The following CSPP1 variants were observed in gnomAD, a reference collection of about 807,000 sequenced individuals.
CSPP1 encodes centrosome and spindle pole associated protein 1, also known as centrosome and spindle pole-associated protein 1.
A neutral mutation model predicts 164.4 loss-of-function variants in CSPP1; 126 were observed. That is an observed-to-expected ratio of 0.77 (90% CI 0.66 to 0.89). CSPP1 has a LOEUF of 0.89. CSPP1 is among the 40% of genes least tolerant of loss of function. The pLI is 0.00. For synonymous variants in CSPP1, 472 were observed against 476.7 expected (o/e 0.99, Z 0.13); for missense variants, 1,395 against 1,449.8 (o/e 0.96, Z 0.61).
intron 9 of CSPP1, among the ~76,000 whole-genome samples, chr8:67,107,842 A>G (rs1250713186): frequency 2.0e-5 from 3 of 152,160 alleles, no homozygotes; most frequent in Non-Finnish European, 2.9e-5. Flanking sequence ...GTAATTTAGA[A>G]GTATGTTTTA....
intron 25 of CSPP1, 28 bp from the exon 26 acceptor site, chr8:67,175,268 T>C: frequency 6.5e-7 from 1 of 1,541,340 alleles, no homozygotes. Context: ...ACATTTAACT[T>C]AGTTATATAA....
chr8:67,080,934 T>C (rs984702159), intron 3 of CSPP1: 2 of 152,220 alleles, frequency 1.3e-5, no homozygotes, highest in East Asian at 3.8e-4. Flanking sequence ...TAGGAATGAT[T>C]GGTTGAATTG....
At chr8:67,182,243 T>G (rs1352198912) in intron 28 of CSPP1, among the ~76,000 whole-genome samples, 1 of 152,092 alleles carries the variant, frequency 6.6e-6, no homozygotes, top group Non-Finnish European at 1.5e-5. Flanking sequence ...GCTTAAGTGA[T>G]CCTCCTGCGG....
At chr8:67,148,984 G>T (rs971456455) in intron 17 of CSPP1, among the ~76,000 whole-genome samples, 17 of 152,168 alleles carry the variant, frequency 1.1e-4, no homozygotes, top group African/African-American at 4.1e-4. Flanking sequence ...GAGTGGTTTA[G>T]TTGGGTGGTT....
intron 15 of CSPP1, among the ~76,000 whole-genome samples, chr8:67,119,157 T>G (rs1818507443): frequency 6.6e-6 from 1 of 152,230 alleles, no homozygotes; most frequent in Non-Finnish European, 1.5e-5. Flanking sequence ...CTTATTTCAC[T>G]TTGCATAATG....
intron 19 of CSPP1, 78 bp from the exon 20 acceptor site, chr8:67,158,369 T>C (rs775309006): frequency 2.1e-6 from 3 of 1,397,774 alleles, no homozygotes; most frequent in Non-Finnish European, 2.9e-6. Context: ...TGAGTTTATA[T>C]ACTATCAGGA....
chr8:67,159,919 TCTTTC>T (rs1339666701), intron 21 of CSPP1, among the ~76,000 whole-genome samples: 9 of 59,336 alleles, frequency 1.5e-4, no homozygotes, highest in Admixed American at 3.9e-4. Flanking sequence ...TTTCTTTCTT[TCTTTC>T]CTTTCCTTCC....
In CSPP1 at chr8:67,078,132, C is replaced by T. The variant is rs141757113; in HGVS notation, c.199+1551C>T. 2.2e-3 allele frequency among the ~76,000 whole-genome samples: 340 copies of T among 152,136 alleles called. 2 individuals are homozygous for T. The highest frequency in any genetic ancestry group is 3.2e-3 in the Non-Finnish European group (219 of 67,992). On this transcript the variant is annotated intron_variant, in intron 3 of 30. Transcript: ENST00000678616. ...AGTAGGTTATCTCAAGCACTAAGGT[C>T]GCTAAGGTTAGACAGAATCCCTTTT...
At chr8:67,135,806 T>C (rs549044669) in intron 16 of CSPP1, 3 of 152,376 alleles carry the variant, frequency 2.0e-5, no homozygotes, top group Non-Finnish European at 1.5e-5. Flanking sequence ...GCTTTCAGCC[T>C]GTCTATGCAT....
At chr8:67,141,421 T>C (rs1194835425) in intron 17 of CSPP1, among the ~76,000 whole-genome samples, 1 of 152,248 alleles carries the variant, frequency 6.6e-6, no homozygotes, top group Non-Finnish European at 1.5e-5. Context: ...AGGCATACTA[T>C]TTTATCAAAT....
At chr8:67,178,045 A>G (rs1832110150) in intron 27 of CSPP1, among the ~76,000 whole-genome samples, 1 of 152,226 alleles carries the variant, frequency 6.6e-6, no homozygotes, top group African/African-American at 2.4e-5. Context: ...ACATAAATTA[A>G]TATTTGCAAG....
At chr8:67,186,267 CT>C (rs1382234844) in intron 28 of CSPP1, among the ~76,000 whole-genome samples, 1 of 151,942 alleles carries the variant, frequency 6.6e-6, no homozygotes, top group African/African-American at 2.4e-5. Flanking sequence ...TCCAAAATAC[CT>C]GTTTAGTTTT....
At chr8:67,068,923 C>G (rs1291947751) in intron 1 of CSPP1, among the ~76,000 whole-genome samples, 2 of 152,146 alleles carry the variant, frequency 1.3e-5, no homozygotes, top group Non-Finnish European at 2.9e-5. Flanking sequence ...ATGACTACTG[C>G]TTGTTTACCA....
intron 18 of CSPP1, among the ~76,000 whole-genome samples, chr8:67,150,458 G>C (rs773791309): frequency 1.2e-4 from 18 of 151,734 alleles, no homozygotes; most frequent in Admixed American, 4.6e-4. Flanking sequence ...AGGCTGGAGT[G>C]CAGTGGCATA....
chr8:67,087,522 A>G (rs1810659135), intron 4 of CSPP1, among the ~76,000 whole-genome samples: 1 of 152,164 alleles, frequency 6.6e-6, no homozygotes, highest in Non-Finnish European at 1.5e-5. Flanking sequence ...TCATAGTGGG[A>G]ATTTCTATTT....
chr8:67,179,741 C>T (rs1196105354), intron 27 of CSPP1, 122 bp from the exon 28 acceptor site: 3 of 667,672 alleles, frequency 4.5e-6, no homozygotes, highest in Non-Finnish European at 8.0e-6. Context: ...GTCAGTCCTA[C>T]CTCTACCCAT....
intron 17 of CSPP1, among the ~76,000 whole-genome samples, chr8:67,139,217 A>G (rs1299321155): frequency 2.0e-5 from 3 of 152,264 alleles, no homozygotes; most frequent in Admixed American, 1.3e-4. Context: ...GAAGACATTT[A>G]TGCAACCAAC....
At chr8:67,065,599 ATGTC>A in intron 1 of CSPP1, 1 of 678,496 alleles carries the variant, frequency 1.5e-6, no homozygotes, top group Non-Finnish European at 1.8e-6. Flanking sequence ...TGGTGATTAA[ATGTC>A]TGCTGAAATG....
intron 18 of CSPP1, 92 bp downstream of exon 18, chr8:67,150,027 A>G: frequency 7.8e-7 from 1 of 1,277,748 alleles, no homozygotes; most frequent in Non-Finnish European, 1.0e-6. Context: ...TCTTATTGGG[A>G]TCTTGAGAAT....
Sources: allele counts gnomAD v4.1 joint callset (sites outside exome capture counted in the v4.1 genomes callset), GRCh38; gene constraint gnomAD v4.1.1; transcripts MANE v1.5; gene names NCBI Gene and HGNC (gene_info 2026-07-23, HGNC 2026-07-21).